The following KANK1 variants were observed in gnomAD, a reference collection of about 807,000 sequenced individuals.
KANK1 encodes the protein KN motif and ankyrin repeat domains 1, also known as KN motif and ankyrin repeat domain-containing protein 1.
KANK1 carries 109 observed loss-of-function variants against 106.2 expected under a neutral mutation model. The observed-to-expected ratio is 1.03, with a 90% CI of 0.88 to 1.20. The LOEUF (loss-of-function observed/expected upper bound fraction) is 1.20, where lower values mean the gene tolerates loss of function less well. Among genes scored for constraint, KANK1 ranks in the 50% most tolerant of loss-of-function variants. The probability of loss-of-function intolerance (pLI) is 0.00; values close to 1 mark genes in which losing one functional copy is unlikely to be tolerated. For synonymous variants in KANK1, 873 were observed against 652.2 expected (o/e 1.34, Z -5.16); for missense variants, 2,399 against 1,710.7 (o/e 1.40, Z -7.10).
In KANK1 at chr9:712,909, C is replaced by T. The variant is rs780258278; in HGVS notation, c.2143C>T (p.Arg715Trp). 2.9e-5 allele frequency: 46 copies of T among 1,613,920 alleles called. 1 individual carries two copies. Among genetic ancestry groups the T allele is most frequent in the South Asian group, 2.4e-4 (22 of 91,060 alleles). ...GACCAGCACCCAGACTGTGGAGACGCGGACAGTAGCTGTAGGAGAAGGCCG... is the reference window on the plus strand; with the variant it reads ...GACCAGCACCCAGACTGTGGAGACGTGGACAGTAGCTGTAGGAGAAGGCCG... ...KQTSTQTVET[R>W]TVAVGEGRVK... The change falls in exon 3 of 12, where the codon CGG (arginine) becomes TGG (tryptophan). Residue 715 changes from arginine to tryptophan, a missense_variant. Transcript: ENST00000382297.
Position 710,722 on chromosome 9 carries a change from T to A in KANK1, c.38-82T>A, listed in dbSNP as rs186232498. On this transcript the variant is annotated intron_variant, in intron 2 of 11. Transcript: ENST00000382297. ...AACTCTTAAAATCATACCAGCTTGCTGTACTGCAACAAACACAAATATTAG... is the reference window on the plus strand; with the variant it reads ...AACTCTTAAAATCATACCAGCTTGCAGTACTGCAACAAACACAAATATTAG... 6.1e-6 allele frequency: 8 copies of A among 1,316,878 alleles called. No individual in the cohort carries two copies. In the South Asian group the frequency reaches 1.2e-4, roughly 20 times the overall value. The allele number at this position is 1,316,878 out of a possible 1,614,324, so 81.6% of individuals were successfully genotyped here.
intron 1 of KANK1, among the ~76,000 whole-genome samples, chr9:646,651 T>C (rs558937008): frequency 6.6e-6 from 1 of 150,634 alleles, no homozygotes; most frequent in African/African-American, 2.5e-5. Context: ...AACTGGACAG[T>C]TTATAGAGCA....
chr9:740,664 C>G (rs1179262017), intron 8 of KANK1, 128 bp from the exon 9 acceptor site: 3 of 1,051,514 alleles, frequency 2.9e-6, no homozygotes, highest in Admixed American at 2.6e-5. Flanking sequence ...CTAAGTCACT[C>G]TTGGTCTCCA....
upstream of KANK1, among the ~76,000 whole-genome samples, chr9:500,989 C>A (rs529926274): frequency 4.6e-4 from 70 of 152,294 alleles, 1 homozygote; most frequent in Middle Eastern, 3.4e-3. Context: ...TGACTTTCTT[C>A]CTCCAAAGCT....
chr9:578,625 T>A (rs1293068923), intron 1 of KANK1, among the ~76,000 whole-genome samples: 1 of 152,144 alleles, frequency 6.6e-6, no homozygotes, highest in Non-Finnish European at 1.5e-5. Flanking sequence ...ACAGCTAGAT[T>A]TATGCACTGT....
chr9:556,307 A>G (rs2061578903), intron 1 of KANK1, among the ~76,000 whole-genome samples: 1 of 152,136 alleles, frequency 6.6e-6, no homozygotes, highest in South Asian at 2.1e-4. Context: ...ATGTGTCTGT[A>G]TCTGATGCAG....
At chr9:485,309 G>C (rs548116603) in intron 3 of KANK1, among the ~76,000 whole-genome samples, 1 of 152,266 alleles carries the variant, frequency 6.6e-6, no homozygotes, top group East Asian at 1.9e-4. Context: ...TAAGGGCTTT[G>C]TTAAGGTATA....
intron 1 of KANK1, among the ~76,000 whole-genome samples, chr9:610,681 A>G (rs150845280): frequency 1.4e-4 from 21 of 152,328 alleles, no homozygotes; most frequent in Non-Finnish European, 2.6e-4. Context: ...ATCCTTGTAG[A>G]TAAGAGAAGA....
intron 1 of KANK1, among the ~76,000 whole-genome samples, chr9:610,107 A>G (rs776656824): frequency 2.0e-5 from 3 of 152,182 alleles, no homozygotes; most frequent in African/African-American, 7.2e-5. Flanking sequence ...ATTCTTTGCT[A>G]CTTTAAGTAT....
At chr9:646,903 G>A (rs1392710406) in intron 1 of KANK1, among the ~76,000 whole-genome samples, 3 of 150,410 alleles carry the variant, frequency 2.0e-5, no homozygotes, top group African/African-American at 7.5e-5. Flanking sequence ...TCACCATGTT[G>A]GCCAGGCTGC....
intron 1 of KANK1, among the ~76,000 whole-genome samples, chr9:550,549 G>A (rs1393982812): frequency 6.6e-6 from 1 of 152,162 alleles, no homozygotes; most frequent in Non-Finnish European, 1.5e-5. Flanking sequence ...GTTTGAGGCC[G>A]CAATGAGTTA....
At chr9:598,994 A>T (rs1187369407) in intron 1 of KANK1, among the ~76,000 whole-genome samples, 1 of 147,840 alleles carries the variant, frequency 6.8e-6, no homozygotes, top group Non-Finnish European at 1.5e-5. Flanking sequence ...AATTTACTTT[A>T]TGAATGATTT....
Position 609,951 on chromosome 9 carries a change from T to C in KANK1, c.-83-66939T>C, listed in dbSNP as rs1176667864. 3.3e-5 allele frequency among the ~76,000 whole-genome samples: 5 copies of C among 152,334 alleles called. 1 individual carries two copies. Among genetic ancestry groups the C allele is most frequent in the African/African-American group, 1.2e-4 (5 of 41,570 alleles). ...ACATATATTTATGTGGTTTGATTTT[T>C]ATTTGGAATGCTTGTTTTACTTGAG... On this transcript the variant is annotated intron_variant, in intron 1 of 11. Transcript: ENST00000382297.
At chr9:500,554 T>A (rs2058532359), upstream of KANK1, among the ~76,000 whole-genome samples, 1 of 152,162 alleles carries the variant, frequency 6.6e-6, no homozygotes, top group African/African-American at 2.4e-5. Context: ...CATGTTCAAC[T>A]ACAGAAAACA....
chr9:541,150 C>G (rs1264021594), intron 1 of KANK1, among the ~76,000 whole-genome samples: 2 of 151,820 alleles, frequency 1.3e-5, no homozygotes, highest in African/African-American at 2.4e-5. Flanking sequence ...AAACAGAGAG[C>G]TGGAGGCATC....
chr9:727,585 GA>G (rs1831031509), intron 3 of KANK1, among the ~76,000 whole-genome samples: 1 of 151,936 alleles, frequency 6.6e-6, no homozygotes, highest in Admixed American at 6.6e-5. Context: ...CAAAGTGCTG[GA>G]ATTACAGGCA....
chr9:730,894 C>T (rs949288412), intron 4 of KANK1: 2 of 279,862 alleles, frequency 7.1e-6, no homozygotes, highest in South Asian at 4.7e-5. Context: ...GCAGTAAAGC[C>T]GGATACAAAT....
chr9:559,365 A>G (rs1815762560), intron 1 of KANK1, among the ~76,000 whole-genome samples: 1 of 151,842 alleles, frequency 6.6e-6, no homozygotes. Context: ...CAAGCTTAGA[A>G]AACTTGAAGG....
intron 3 of KANK1, among the ~76,000 whole-genome samples, chr9:487,304 A>C (rs2058309902): frequency 6.6e-6 from 1 of 152,250 alleles, no homozygotes. Context: ...CTTTCAGTAC[A>C]GAATTCAATA....
Sources: allele counts gnomAD v4.1 joint callset (sites outside exome capture counted in the v4.1 genomes callset), GRCh38; gene constraint gnomAD v4.1.1; transcripts MANE v1.5; gene names NCBI Gene and HGNC (gene_info 2026-07-23, HGNC 2026-07-21).